The following LINGO1 variants were observed in gnomAD, a reference collection of about 807,000 sequenced individuals.
The protein encoded by LINGO1 is leucine rich repeat and Ig domain containing 1.
A neutral mutation model predicts 37.3 loss-of-function variants in LINGO1; 11 were observed. The observed-to-expected ratio is 0.29, with a 90% confidence interval of 0.19 to 0.49. The LOEUF (loss-of-function observed/expected upper bound fraction) is 0.49, where lower values mean the gene tolerates loss of function less well. Ranked by LOEUF, LINGO1 falls within the 20% of genes least tolerant of loss-of-function variation. The probability of loss-of-function intolerance (pLI) is 0.99; values close to 1 mark genes in which losing one functional copy is unlikely to be tolerated. For synonymous variants in LINGO1, 387 were observed against 403.0 expected (o/e 0.96, Z 0.48); for missense variants, 585 against 878.2 (o/e 0.67, Z 4.22).
At chr15:77,642,270 G>C (rs2074525350) in intron 3 of LINGO1, among the ~76,000 whole-genome samples, 1 of 152,194 alleles carries the variant, frequency 6.6e-6, no homozygotes, top group African/African-American at 2.4e-5. Flanking sequence ...GCCAGGGCTT[G>C]GTTCATCCTA....
At chr15:77,619,031 G>A (rs1327663745) in intron 1 of LINGO1, among the ~76,000 whole-genome samples, 1 of 152,254 alleles carries the variant, frequency 6.6e-6, no homozygotes, top group Non-Finnish European at 1.5e-5. Context: ...AGCCAGTCAG[G>A]AAAGAATGCC....
At chr15:77,818,792 G>C (rs2077069820) in intron 1 of LINGO1, among the ~76,000 whole-genome samples, 1 of 151,982 alleles carries the variant, frequency 6.6e-6, no homozygotes, top group Non-Finnish European at 1.5e-5. Context: ...CTCCAGCGCG[G>C]CGCCGCGGGC....
At chr15:77,645,186 G>A (rs2074597036) in intron 3 of LINGO1, among the ~76,000 whole-genome samples, 1 of 152,176 alleles carries the variant, frequency 6.6e-6, no homozygotes, top group African/African-American at 2.4e-5. Context: ...CACTCAGAAC[G>A]GGCGGTGCAG....
At chr15:77,672,848 C>T (rs1705500957) in intron 3 of LINGO1, among the ~76,000 whole-genome samples, 1 of 152,212 alleles carries the variant, frequency 6.6e-6, no homozygotes, top group Non-Finnish European at 1.5e-5. Flanking sequence ...TGTCAGCTTC[C>T]ACTCCTTCCC....
chr15:77,638,047 C>T (rs1009018378), upstream of LINGO1, among the ~76,000 whole-genome samples: 1 of 152,242 alleles, frequency 6.6e-6, no homozygotes, highest in Non-Finnish European at 1.5e-5. Context: ...CTAGAAGCAA[C>T]GTAGTCAGCA....
chr15:77,790,583 C>A (rs755889310), upstream of LINGO1, among the ~76,000 whole-genome samples: 5 of 152,054 alleles, frequency 3.3e-5, no homozygotes, highest in Non-Finnish European at 5.9e-5. Flanking sequence ...ACTGGGGAGG[C>A]ACAGATGAGA....
At chr15:77,688,213 C>T (rs1389884154) in intron 2 of LINGO1, among the ~76,000 whole-genome samples, 1 of 152,230 alleles carries the variant, frequency 6.6e-6, no homozygotes, top group Non-Finnish European at 1.5e-5. Flanking sequence ...CAGGAGGCGG[C>T]ACCTGCCCCC....
chr15:77,644,838 C>CGGTTTA (rs1424876172), intron 3 of LINGO1, among the ~76,000 whole-genome samples: 1 of 152,094 alleles, frequency 6.6e-6, no homozygotes, highest in Non-Finnish European at 1.5e-5. Context: ...TGGTGACGAG[C>CGGTTTA]GGTTTAGGGT....
chr15:77,722,181 C>CGGT (rs60080803), intron 2 of LINGO1, among the ~76,000 whole-genome samples: 1 of 151,744 alleles, frequency 6.6e-6, no homozygotes, highest in South Asian at 2.1e-4. Flanking sequence ...GTGTTGTCAG[C>CGGT]TTTTAAATGG....
chr15:77,789,236 A>T (rs531452180), upstream of LINGO1, among the ~76,000 whole-genome samples: 1 of 152,350 alleles, frequency 6.6e-6, no homozygotes, highest in South Asian at 2.1e-4. Context: ...GCCATTTGAG[A>T]TATAATTAGC....
At chr15:77,819,584 GCGCACAC>G (rs2077081124) in intron 1 of LINGO1, 1 of 117,848 alleles carries the variant, frequency 8.5e-6, no homozygotes, top group Non-Finnish European at 2.0e-5. Flanking sequence ...GCGCACACAC[GCGCACAC>G]CCAGGCGCGC....
At chr15:77,684,520 C>T (rs557728197) in intron 2 of LINGO1, among the ~76,000 whole-genome samples, 1 of 152,342 alleles carries the variant, frequency 6.6e-6, no homozygotes, top group South Asian at 2.1e-4. Context: ...TGGGATTTGC[C>T]TTCCCCTGCA....
intron 2 of LINGO1, among the ~76,000 whole-genome samples, chr15:77,680,437 G>A (rs2075395704): frequency 6.6e-6 from 1 of 152,218 alleles, no homozygotes; most frequent in Non-Finnish European, 1.5e-5. Context: ...ACGTTTGGGT[G>A]ACTTTCTGAG....
chr15:77,811,236 C>T (rs1385035545), intron 1 of LINGO1, among the ~76,000 whole-genome samples: 3 of 152,224 alleles, frequency 2.0e-5, no homozygotes, highest in Admixed American at 2.0e-4. Flanking sequence ...AGCCTGATAA[C>T]ATTCTCCTAA....
Position 77,794,352 on chromosome 15 carries a change from GTA to G in LINGO1, c.-343+1585_-343+1586del, listed in dbSNP as rs1180211367. Among the ~76,000 whole-genome samples the G allele has an allele frequency of 1.7e-4, 15 of 90,538 alleles. 1 individual carries two copies. The highest frequency in any genetic ancestry group is 6.7e-4 in the South Asian group (2 of 3,004). The allele number at this position is 90,538 out of a possible 152,430, so 59.4% of individuals were successfully genotyped here. On this transcript the variant is annotated intron_variant, in intron 2 of 5. Transcript: ENST00000562933. ...TATATGTATATACATACATATATAC[GTA>G]TATATGTGTATATACATACGTATAT...
chr15:77,784,382 T>C (rs900307207), intron 1 of LINGO1, among the ~76,000 whole-genome samples: 2 of 152,254 alleles, frequency 1.3e-5, no homozygotes, highest in Admixed American at 6.5e-5. Context: ...CCAAGAGGCT[T>C]ACAGGTAAGG....
Position 77,776,526 on chromosome 15 carries a change from A to AAGGCAGGAAGGCAGGAAGGCAGGAAGGG in LINGO1, c.-257+10342_-257+10343insCCCTTCCTGCCTTCCTGCCTTCCTGCCT, listed in dbSNP as rs1344764444. Reference sequence around the variant, plus strand: ...GAAGGCAGGAAGGCAGGAAGGGAGGAAGGGAGGGAGGGAGGGAGGGAGGGA... The same window carrying AAGGCAGGAAGGCAGGAAGGCAGGAAGGG: ...GAAGGCAGGAAGGCAGGAAGGGAGGAAGGCAGGAAGGCAGGAAGGCAGGAAGGGAGGGAGGGAGGGAGGGAGGGAGGGA... On this transcript the variant is annotated intron_variant, in intron 1 of 3. Transcript: ENST00000561686. Among the ~76,000 whole-genome samples the AAGGCAGGAAGGCAGGAAGGCAGGAAGGG allele has an allele frequency of 1.1e-4, 4 of 35,754 alleles. 1 individual carries two copies. Among genetic ancestry groups the AAGGCAGGAAGGCAGGAAGGCAGGAAGGG allele is most frequent in the Non-Finnish European group, 1.8e-4 (3 of 16,304 alleles). 23.5% of individuals were successfully genotyped at this position (35,754 alleles called of 152,430 possible).
At chr15:77,665,115 G>A (rs2075102479) in intron 3 of LINGO1, among the ~76,000 whole-genome samples, 2 of 152,168 alleles carry the variant, frequency 1.3e-5, no homozygotes, top group Admixed American at 6.5e-5. Context: ...CCCATGAGGT[G>A]TATGAGAGAC....
intron 2 of LINGO1, among the ~76,000 whole-genome samples, chr15:77,714,766 C>G (rs1234580285): frequency 6.6e-6 from 1 of 152,190 alleles, no homozygotes; most frequent in Non-Finnish European, 1.5e-5. Flanking sequence ...CCTGGCTTGC[C>G]TGGGCACGGG....
Sources: gnomAD v4.1 joint callset for allele counts (sites outside exome capture counted in the v4.1 genomes callset) on GRCh38, gnomAD v4.1.1 for gene constraint, MANE v1.5 for transcripts, NCBI Gene and HGNC (gene_info 2026-07-23, HGNC 2026-07-21) for gene names.